The following PLA2G7 variants were observed in gnomAD, a reference collection of about 807,000 sequenced individuals.
PLA2G7 encodes the protein phospholipase A2 group VII.
Under a neutral mutation model 49.6 loss-of-function variants are expected in PLA2G7, and 63 were observed. The observed-to-expected ratio is 1.27, with a 90% CI of 1.04 to 1.57. The LOEUF (loss-of-function observed/expected upper bound fraction) is 1.57. Among genes scored for constraint, PLA2G7 ranks in the 40% most tolerant of loss-of-function variants. The pLI is 0.00. For missense variants in PLA2G7, 596 were observed against 521.2 expected, an observed-to-expected ratio of 1.14 and a Z score of -1.40; for synonymous variants, 193 against 169.9, an observed-to-expected ratio of 1.14 and a Z score of -1.06.
At chr6:46,716,259 A>G (rs1015556272) in intron 4 of PLA2G7, 125 bp downstream of exon 4, 27 of 932,664 alleles carry the variant, frequency 2.9e-5, no homozygotes, top group Non-Finnish European at 4.5e-5. Context: ...TACTTTCCTT[A>G]TCATTTTAGG....
In PLA2G7 at chr6:46,711,544, G is replaced by T; in HGVS notation, c.615C>A (p.Tyr205Ter). 1 of 1,613,634 alleles carries T rather than the reference G, an allele frequency of 6.2e-7. No individual in the cohort carries two copies. The highest frequency in any genetic ancestry group is 1.3e-5 in the African/African-American group (1 of 74,998). The change falls in exon 7 of 12, where the codon TAC becomes TAA. Residue 205 changes from tyrosine to a stop codon, truncating the protein, a stop_gained. Coordinates refer to ENST00000274793, the MANE Select transcript of PLA2G7 (RefSeq NM_005084.4). LOFTEE classifies it high-confidence loss of function. ...AAEIGDKSWL[Y>*]LRTLKQEEET... is the part of the protein sequence containing the mutation. ...CCTCCTCTTGTTTCAGGGTTCTAAG[G>T]TAGAGCCAAGACTTGTCCCCTATTT... is the stretch of plus-strand genomic sequence containing the variant.
At chr6:46,726,593 A>G (rs1011447970) in intron 1 of PLA2G7, among the ~76,000 whole-genome samples, 4 of 152,136 alleles carry the variant, frequency 2.6e-5, no homozygotes, top group Non-Finnish European at 1.5e-5. Context: ...CTTCATCATC[A>G]TATTGTATGA....
intron 1 of PLA2G7, among the ~76,000 whole-genome samples, 174 bp downstream of exon 1, chr6:46,735,006 G>A (rs1765876223): frequency 6.6e-6 from 1 of 152,156 alleles, no homozygotes; most frequent in African/African-American, 2.4e-5. Context: ...TCCCCGCAAG[G>A]ATCCTAGCGC....
intron 2 of PLA2G7, 75 bp from the exon 3 acceptor site, chr6:46,717,171 G>A (rs145517515): frequency 6.2e-5 from 83 of 1,340,918 alleles, no homozygotes; most frequent in Non-Finnish European, 7.4e-5. Context: ...GAATTCCAAC[G>A]GAATCAAGTT....
At chr6:46,733,668 G>A (rs914625686) in intron 1 of PLA2G7, among the ~76,000 whole-genome samples, 1 of 152,216 alleles carries the variant, frequency 6.6e-6, no homozygotes, top group African/African-American at 2.4e-5. Context: ...TTTCTGCAGG[G>A]CCAGCAGAAT....
At chr6:46,710,066 A>G (rs1172729703) in intron 8 of PLA2G7, among the ~76,000 whole-genome samples, 1 of 151,962 alleles carries the variant, frequency 6.6e-6, no homozygotes, top group Non-Finnish European at 1.5e-5. Context: ...AGGGATAACA[A>G]ATTTCTTCAT....
chr6:46,719,912 G>A (rs567360433), intron 2 of PLA2G7, among the ~76,000 whole-genome samples: 1 of 152,320 alleles, frequency 6.6e-6, no homozygotes, highest in South Asian at 2.1e-4. Flanking sequence ...TCAAACCCCA[G>A]AAACTTTTTT....
rs1175973624 is a variant in PLA2G7, at chr6:46,717,105, C to G, written c.110-9G>C. 5.0e-6 allele frequency: 8 copies of G among 1,611,394 alleles called. No individual in the cohort carries two copies. The Admixed American group carries it at 6.7e-5, about 13-fold the overall frequency. Reference sequence around the variant, plus strand: ...TATTTTGTTGACCCATGCTGAAAAACAGGTAAATATTATCTCATTTGTCAT... The same window carrying G: ...TATTTTGTTGACCCATGCTGAAAAAGAGGTAAATATTATCTCATTTGTCAT... On this transcript the variant is annotated splice_polypyrimidine_tract_variant and intron_variant, in intron 2 of 11. Coordinates refer to ENST00000274793, the MANE Select transcript of PLA2G7 (RefSeq NM_005084.4).
In PLA2G7 at chr6:46,729,845, A is replaced by C. The variant is rs79612772; in HGVS notation, c.-35+5335T>G. On this transcript the variant is annotated intron_variant, in intron 1 of 11. Coordinates refer to ENST00000274793, the MANE Select transcript of PLA2G7 (RefSeq NM_005084.4). ...GCCAGATGTCCCCTGGAGTGGGGGC[A>C]TAAATCATCCTCAGCTGAAAACCAT... Among the ~76,000 whole-genome samples the C allele has an allele frequency of 6.1e-4, 93 of 152,358 alleles. No homozygotes were observed. The East Asian group carries it at 0.017, about 28-fold the overall frequency.
chr6:46,705,046 T>C (rs1764762637), intron 11 of PLA2G7, 107 bp downstream of exon 11: 2 of 893,486 alleles, frequency 2.2e-6, no homozygotes, highest in African/African-American at 1.7e-5. Context: ...CTTTGTTCCA[T>C]TGTAAACCAA....
At position 46,711,578 on chromosome 6, in the gene PLA2G7, G is replaced by A. The variant is rs549511184; in HGVS notation, c.581C>T (p.Ser194Phe). The A allele has an allele frequency of 6.2e-7, 1 of 1,613,532 alleles. No homozygotes were observed. Among genetic ancestry groups the A allele is most frequent in the East Asian group, 2.2e-5 (1 of 44,866 alleles). The change falls in exon 7 of 12, where the codon TCT becomes TTT. Residue 194 changes from serine to phenylalanine, a missense_variant. Transcript: ENST00000274793. ...ASATYYFKDQSAAEIGDKSWL... is the reference protein window; with the variant it reads ...ASATYYFKDQFAAEIGDKSWL... ...AGACTTGTCCCCTATTTCTGCAGCAGATTGGTCCTTGAAATAGTAAGTTGC... is the reference window on the plus strand; with the variant it reads ...AGACTTGTCCCCTATTTCTGCAGCAAATTGGTCCTTGAAATAGTAAGTTGC...
At chr6:46,734,417 A>C (rs3997237) in intron 1 of PLA2G7, among the ~76,000 whole-genome samples, 1 of 31,176 alleles carries the variant, frequency 3.2e-5, no homozygotes, top group Non-Finnish European at 6.1e-5. Flanking sequence ...TGTGTGTGTG[A>C]GAGAGAGAGA....
intron 1 of PLA2G7, among the ~76,000 whole-genome samples, chr6:46,728,661 C>T (rs1237807425): frequency 6.6e-6 from 1 of 152,138 alleles, no homozygotes; most frequent in Non-Finnish European, 1.5e-5. Context: ...TAAAAGTTGT[C>T]TAAGATCAAT....
At chr6:46,706,618 C>G (rs1764840228) in intron 10 of PLA2G7, among the ~76,000 whole-genome samples, 1 of 152,020 alleles carries the variant, frequency 6.6e-6, no homozygotes, top group South Asian at 2.1e-4. Context: ...CCGTGGGGGC[C>G]CAGGAAGCTA....
chr6:46,708,231 T>A, intron 9 of PLA2G7, 70 bp from the exon 10 acceptor site: 1 of 1,166,740 alleles, frequency 8.6e-7, no homozygotes, highest in Non-Finnish European at 1.3e-6. Flanking sequence ...GACATCCTAA[T>A]AATGCTAGGA....
At chr6:46,733,994 G>A (rs1388287033) in intron 1 of PLA2G7, among the ~76,000 whole-genome samples, 1 of 152,122 alleles carries the variant, frequency 6.6e-6, no homozygotes, top group Admixed American at 6.5e-5. Flanking sequence ...CCATTTATGA[G>A]CCATACGCAC....
At chr6:46,728,810 G>C (rs1221964041) in intron 1 of PLA2G7, among the ~76,000 whole-genome samples, 2 of 152,176 alleles carry the variant, frequency 1.3e-5, no homozygotes, top group African/African-American at 4.8e-5. Context: ...TGATGGTTAG[G>C]TTAAGGTCAT....
At chr6:46,712,443 G>T in intron 5 of PLA2G7, 106 bp from the exon 6 acceptor site, 1 of 796,178 alleles carries the variant, frequency 1.3e-6, no homozygotes, top group Non-Finnish European at 2.2e-6. Context: ...CTGTAGTAGT[G>T]CCCTGGGGTG....
In PLA2G7 at chr6:46,711,566, A is replaced by G. The variant is rs1805018; in HGVS notation, c.593T>C (p.Ile198Thr). The G allele has an allele frequency of 0.063, 101,391 of 1,613,464 alleles. 4,853 individuals carry two copies. The highest frequency in any genetic ancestry group is 0.22 in the African/African-American group (16,721 of 74,930). The part of the protein sequence containing the change: ...YYFKDQSAAE[I>T]GDKSWLYLRT... ...AAGGTAGAGCCAAGACTTGTCCCCT[A>G]TTTCTGCAGCAGATTGGTCCTTGAA... Residue 198 changes from isoleucine (I) to threonine (T), a missense_variant, in exon 7 of 12, where the codon ATA (isoleucine) becomes ACA (threonine). By Grantham distance (89) the Ile-to-Thr change is moderately conservative (BLOSUM62 -1). Coordinates refer to ENST00000274793, the MANE Select transcript of PLA2G7 (RefSeq NM_005084.4).
Sources: allele counts gnomAD v4.1 joint callset (sites outside exome capture counted in the v4.1 genomes callset), GRCh38; gene constraint gnomAD v4.1.1; transcripts MANE v1.5; gene names NCBI Gene and HGNC (gene_info 2026-07-23, HGNC 2026-07-21).